The following ZEB2 variants were observed in gnomAD, a reference collection of about 807,000 sequenced individuals.
ZEB2 encodes the protein zinc finger E-box-binding homeobox 2.
ZEB2 carries 6 observed loss-of-function variants against 99.9 expected under a neutral mutation model. The observed-to-expected ratio is 0.06, with a 90% CI of 0.03 to 0.12. The LOEUF (loss-of-function observed/expected upper bound fraction) is 0.12. ZEB2 is among the 10% of genes least tolerant of loss of function. The probability of loss-of-function intolerance (pLI) is 1.00; values close to 1 mark genes in which losing one functional copy is unlikely to be tolerated. For missense variants in ZEB2, 969 were observed against 1,502.8 expected (o/e 0.64, Z 5.87); for synonymous variants, 517 against 542.5 (o/e 0.95, Z 0.65).
chr2:144,418,110 G>A (rs1703567646), intron 4 of ZEB2, among the ~76,000 whole-genome samples: 1 of 152,108 alleles, frequency 6.6e-6, no homozygotes, highest in Non-Finnish European at 1.5e-5. Flanking sequence ...TTAAAGAAGG[G>A]ATGCTACATA....
intron 4 of ZEB2, chr2:144,424,517 G>A: frequency 1.6e-6 from 1 of 621,612 alleles, no homozygotes; most frequent in Non-Finnish European, 3.0e-6. Context: ...GTTACTACTA[G>A]AAATTCACCC....
At chr2:144,451,858 T>C (rs945061202) in intron 2 of ZEB2, among the ~76,000 whole-genome samples, 1 of 152,244 alleles carries the variant, frequency 6.6e-6, no homozygotes, top group African/African-American at 2.4e-5. Flanking sequence ...GCCTATTACA[T>C]ATGCATTACA....
intron 1 of ZEB2, chr2:144,517,939 G>T: frequency 3.0e-6 from 1 of 338,736 alleles, no homozygotes; most frequent in Non-Finnish European, 5.5e-6. Flanking sequence ...AAGCCCACTC[G>T]CCCAGCGCCC....
At chr2:144,411,457 T>C (rs1181563501) in intron 4 of ZEB2, among the ~76,000 whole-genome samples, 3 of 152,166 alleles carry the variant, frequency 2.0e-5, no homozygotes, top group Non-Finnish European at 2.9e-5. Flanking sequence ...AATTAATAAA[T>C]GTAAGCTTTT....
intron 2 of ZEB2, among the ~76,000 whole-genome samples, chr2:144,485,529 G>C (rs927221940): frequency 6.6e-6 from 1 of 152,146 alleles, no homozygotes. Flanking sequence ...GAAAACTAAG[G>C]AGTTGGGGAG....
chr2:144,509,039 T>C (rs1049763066), intron 2 of ZEB2, among the ~76,000 whole-genome samples: 1 of 152,178 alleles, frequency 6.6e-6, no homozygotes. Context: ...CCACCTCATC[T>C]AATTAAACCA....
intron 9 of ZEB2, among the ~76,000 whole-genome samples, chr2:144,391,847 A>G (rs941767708): frequency 5.3e-5 from 8 of 152,338 alleles, no homozygotes; most frequent in Non-Finnish European, 8.8e-5. Context: ...CACATCCATC[A>G]TTTATGACAG....
At chr2:144,464,370 A>T (rs1704242005) in intron 2 of ZEB2, 1 of 152,194 alleles carries the variant, frequency 6.6e-6, no homozygotes, top group East Asian at 1.9e-4. Flanking sequence ...TCAAGTCAAC[A>T]TCTTTATATA....
At chr2:144,417,678 T>C (rs945410129) in intron 4 of ZEB2, among the ~76,000 whole-genome samples, 1 of 152,140 alleles carries the variant, frequency 6.6e-6, no homozygotes, top group Non-Finnish European at 1.5e-5. Context: ...TTCCAGAAGA[T>C]GAGGAGAGTA....
Position 144,424,220 on chromosome 2 carries a change from T to TAAAAATAAGTAAACTTGTCAAAAA in ZEB2, c.403+575_403+576insTTTTTGACAAGTTTACTTATTTTT, listed in dbSNP as rs1161198445. 7.0e-5 allele frequency: 25 copies of TAAAAATAAGTAAACTTGTCAAAAA among 356,672 alleles called. No homozygotes were observed. The East Asian group carries it at 1.8e-3, about 26-fold the overall frequency. The allele number at this position is 356,672 out of a possible 1,614,324, so 22.1% of individuals were successfully genotyped here. ...TCCCACTGTAATTTTTTAGCTTCAT[T>TAAAAATAAGTAAACTTGTCAAAAA]AAAAATAAGTAAACTTGTCAATTCT... On this transcript the variant is annotated intron_variant, in intron 4 of 9. Coordinates refer to ENST00000627532, the MANE Select transcript of ZEB2 (RefSeq NM_014795.4).
chr2:144,431,013 C>T (rs1479853912), intron 2 of ZEB2: 1 of 152,054 alleles, frequency 6.6e-6, no homozygotes, highest in East Asian at 1.9e-4. Context: ...TTGCCAAGAA[C>T]TGTTAACCCA....
intron 4 of ZEB2, among the ~76,000 whole-genome samples, chr2:144,422,918 G>A (rs573341742): frequency 3.3e-5 from 5 of 152,220 alleles, no homozygotes; most frequent in South Asian, 2.1e-4. Flanking sequence ...TTTTTCAGGT[G>A]TATTAGTCTC....
Position 144,398,320 on chromosome 2 carries a change from T to C in ZEB2, c.2867A>G (p.Gln956Arg). Residue 956 changes from glutamine to arginine, a missense_variant, in exon 8 of 10, where the codon CAG becomes CGG. Physicochemically the swap from Gln to Arg is conservative, Grantham distance 43. Around this residue, in one of 8 missense-constraint regions of ZEB2, gnomAD observed 346 missense variants for 460.0 expected, o/e 0.75. Transcript: ENST00000627532. Reference sequence around the variant, plus strand: ...CTTTACCTGAAATCCTTGTTTCCGCTGGTACTTTCTCCTTTGCTGCATATC... The same window carrying C: ...CTTTACCTGAAATCCTTGTTTCCGCCGGTACTTTCTCCTTTGCTGCATATC... ...FADMQQRRKY[Q>R]RKQGFQGELL... 6.2e-7 allele frequency: 1 copy of C among 1,613,938 alleles called. No homozygotes were observed. The highest frequency in any genetic ancestry group is 8.5e-7 in the Non-Finnish European group (1 of 1,179,944).
intron 2 of ZEB2, chr2:144,494,570 A>C (rs536074291): frequency 3.9e-5 from 6 of 152,352 alleles, no homozygotes; most frequent in Non-Finnish European, 7.4e-5. Context: ...TAGACAACGT[A>C]GGAATATGCA....
chr2:144,389,318 G>A lies in ZEB2; in HGVS notation c.*133C>T. Reference sequence around the variant, plus strand: ...CGTCTACATCTGTCTTGGCTGAACCGCCCCTTCTGTCCCTCTCTACAGCTT... The same window carrying A: ...CGTCTACATCTGTCTTGGCTGAACCACCCCTTCTGTCCCTCTCTACAGCTT... On this transcript the variant is annotated 3_prime_UTR_variant, in exon 10 of 10. Coordinates refer to ENST00000627532, the MANE Select transcript of ZEB2 (RefSeq NM_014795.4). This position sits in a 1 kb window ranked among gnomAD's most constrained non-coding sequence, Gnocchi z 6.8. The A allele has an allele frequency of 9.3e-6, 10 of 1,078,436 alleles. No homozygotes were observed. Among genetic ancestry groups the A allele is most frequent in the South Asian group, 9.1e-5 (7 of 76,744 alleles). The allele number at this position is 1,078,436 out of a possible 1,614,324, so 66.8% of individuals were successfully genotyped here. A position where few individuals can be genotyped will look rare whatever the true frequency, so the allele number is the denominator to read the frequency against.
chr2:144,473,757 C>T (rs991601441), intron 2 of ZEB2, among the ~76,000 whole-genome samples: 4 of 151,914 alleles, frequency 2.6e-5, no homozygotes, highest in East Asian at 1.9e-4. Flanking sequence ...GTGAAGTGGC[C>T]GAAGAAAATA....
At chr2:144,415,628 C>T (rs555357883) in intron 4 of ZEB2, among the ~76,000 whole-genome samples, 1 of 152,338 alleles carries the variant, frequency 6.6e-6, no homozygotes, top group East Asian at 1.9e-4. Flanking sequence ...GGTCAACAAA[C>T]TCCTTAATTC....
Position 144,418,460 on chromosome 2 carries a change from G to C in ZEB2, c.403+6336C>G, listed in dbSNP as rs190988903. On this transcript the variant is annotated intron_variant, in intron 4 of 9. Coordinates refer to ENST00000627532, the MANE Select transcript of ZEB2 (RefSeq NM_014795.4). Reference sequence around the variant, plus strand: ...TCCCAGCACTTTGGGAGGCTGAGGCGGGGGGACACCTGAGGTCAGGAGTTC... The same window carrying C: ...TCCCAGCACTTTGGGAGGCTGAGGCCGGGGGACACCTGAGGTCAGGAGTTC... Among the ~76,000 whole-genome samples the C allele has an allele frequency of 3.3e-3, 501 of 152,084 alleles. 14 individuals carry two copies. The highest frequency in any genetic ancestry group is 0.03 in the Admixed American group (461 of 15,276).
At chr2:144,480,257 C>CT (rs1488071128) in intron 2 of ZEB2, among the ~76,000 whole-genome samples, 3 of 152,092 alleles carry the variant, frequency 2.0e-5, no homozygotes, top group African/African-American at 7.2e-5. Flanking sequence ...GCCCCATCAC[C>CT]TGGGAGAAAT....
Sources: allele counts gnomAD v4.1 joint callset (sites outside exome capture counted in the v4.1 genomes callset), GRCh38; gene constraint gnomAD v4.1.1; regional missense constraint gnomAD v4.1.1; non-coding constraint Gnocchi (gnomAD v3.1); transcripts MANE v1.5; gene names NCBI Gene and HGNC (gene_info 2026-07-23, HGNC 2026-07-21).